GOLIM4: variants seen among roughly 807,000 people sequenced by gnomAD.
GOLIM4 encodes golgi integral membrane protein 4.
In GOLIM4, 71 loss-of-function variants were observed where a neutral mutation model predicts 107.4. The observed-to-expected ratio is 0.66, with a 90% CI of 0.55 to 0.81. The LOEUF (loss-of-function observed/expected upper bound fraction) is 0.81, where lower values mean the gene tolerates loss of function less well. Ranked by LOEUF, GOLIM4 falls within the 30% of genes least tolerant of loss-of-function variation. The probability of loss-of-function intolerance (pLI) is 0.00; values close to 1 mark genes in which losing one functional copy is unlikely to be tolerated. For missense variants in GOLIM4, 830 were observed against 826.1 expected, an observed-to-expected ratio of 1.00 and a Z score of -0.06; for synonymous variants, 327 against 294.8, an observed-to-expected ratio of 1.11 and a Z score of -1.12.
chr3:168,085,049 T>C (rs1286876396), intron 1 of GOLIM4, among the ~76,000 whole-genome samples: 2 of 152,158 alleles, frequency 1.3e-5, no homozygotes, highest in African/African-American at 2.4e-5. Flanking sequence ...TTCTTCTTAC[T>C]GTCTTATGGT....
chr3:168,041,315 G>A (rs1718985861), intron 6 of GOLIM4, 77 bp downstream of exon 6: 2 of 824,898 alleles, frequency 2.4e-6, no homozygotes, highest in Admixed American at 3.9e-5. Flanking sequence ...AGGCCAATTA[G>A]GGAATGACTT....
rs531630477 is a variant in GOLIM4, at chr3:168,093,979, C to T, written c.187+1120G>A. On this transcript the variant is annotated intron_variant, in intron 1 of 15. Transcript: ENST00000470487. ...CATCCCTCTAGCTTGCATCTATCTA[C>T]CTAGCAATATTAAACAAGCTATATT... Among the ~76,000 whole-genome samples the T allele has an allele frequency of 3.3e-4, 51 of 152,288 alleles. No individual in the cohort carries two copies. The East Asian group carries it at 9.1e-3, about 27-fold the overall frequency.
At chr3:168,013,138 G>T (rs998817820) in intron 14 of GOLIM4, among the ~76,000 whole-genome samples, 2 of 151,408 alleles carry the variant, frequency 1.3e-5, no homozygotes, top group Non-Finnish European at 2.9e-5. Flanking sequence ...CTGTATTCAG[G>T]AAACCCATCT....
intron 1 of GOLIM4, among the ~76,000 whole-genome samples, chr3:168,077,296 G>A (rs1721123961): frequency 2.6e-5 from 4 of 152,110 alleles, no homozygotes; most frequent in Non-Finnish European, 5.9e-5. Flanking sequence ...TCCCATTAAC[G>A]TTTGGCCAAT....
At chr3:168,018,556 A>G (rs1029321227) in intron 14 of GOLIM4, among the ~76,000 whole-genome samples, 3 of 152,186 alleles carry the variant, frequency 2.0e-5, no homozygotes, top group Non-Finnish European at 2.9e-5. Context: ...GGAATGAGCT[A>G]AAGACCTATC....
At chr3:168,042,324 G>A (rs1268214163) in intron 5 of GOLIM4, among the ~76,000 whole-genome samples, 1 of 152,044 alleles carries the variant, frequency 6.6e-6, no homozygotes, top group African/African-American at 2.4e-5. Context: ...CCCCAGCAAT[G>A]CATTTAATTT....
At position 168,044,843 on chromosome 3, in the gene GOLIM4, T is replaced by G; in HGVS notation, c.351A>C (p.Gln117His). ...SNSRYSALNVQHQMLKSQHEE... is the reference protein window; with the variant it reads ...SNSRYSALNVHHQMLKSQHEE... The stretch of plus-strand genomic sequence containing the variant: ...GATTACTCACTTTCAACATCTGATG[T>G]TGGACATTCAGTGCACTGTATCTGC... Residue 117 changes from glutamine (Q) to histidine (H), a missense_variant, in exon 4 of 16, where the codon CAA becomes CAC. By Grantham distance (24) the Gln-to-His change is conservative (BLOSUM62 0). Coordinates refer to ENST00000470487, the MANE Select transcript of GOLIM4 (RefSeq NM_014498.5). 6.4e-7 allele frequency: 1 copy of G among 1,561,620 alleles called. No individual in the cohort carries two copies. The highest frequency in any genetic ancestry group is 8.7e-7 in the Non-Finnish European group (1 of 1,149,056).
intron 1 of GOLIM4, among the ~76,000 whole-genome samples, chr3:168,058,679 G>A (rs1720105078): frequency 6.6e-6 from 1 of 152,262 alleles, no homozygotes; most frequent in Admixed American, 6.5e-5. Context: ...ATAATGAACT[G>A]CTGAGTCAGC....
At chr3:168,024,159 T>C (rs1225424585) in intron 14 of GOLIM4, among the ~76,000 whole-genome samples, 2 of 152,280 alleles carry the variant, frequency 1.3e-5, no homozygotes, top group African/African-American at 4.8e-5. Flanking sequence ...GGGAGATGCC[T>C]GAAGAGAAAG....
chr3:168,039,147 T>C (rs1718827244), intron 7 of GOLIM4, among the ~76,000 whole-genome samples: 1 of 152,030 alleles, frequency 6.6e-6, no homozygotes, highest in Non-Finnish European at 1.5e-5. Context: ...TGGCTCTAAT[T>C]AAGGATTGCA....
chr3:168,077,575 CA>C (rs973526860), intron 1 of GOLIM4, among the ~76,000 whole-genome samples: 6 of 152,282 alleles, frequency 3.9e-5, no homozygotes, highest in African/African-American at 1.4e-4. Flanking sequence ...TTCATTATTC[CA>C]AGTTTGTTGT....
At chr3:168,075,434 C>A (rs1287449155) in intron 1 of GOLIM4, among the ~76,000 whole-genome samples, 1 of 148,992 alleles carries the variant, frequency 6.7e-6, no homozygotes, top group Non-Finnish European at 1.5e-5. Flanking sequence ...GTAGCTGGGA[C>A]TACAGGCACC....
At chr3:168,082,167 C>G (rs1204352460) in intron 1 of GOLIM4, among the ~76,000 whole-genome samples, 3 of 152,146 alleles carry the variant, frequency 2.0e-5, no homozygotes, top group Non-Finnish European at 2.9e-5. Context: ...GACACATATA[C>G]AAAATTGACA....
intron 1 of GOLIM4, among the ~76,000 whole-genome samples, chr3:168,071,249 T>A (rs1318561323): frequency 6.6e-6 from 1 of 152,194 alleles, no homozygotes; most frequent in Non-Finnish European, 1.5e-5. Context: ...TCAAGTTCCT[T>A]CTATCTTTTA....
rs879791386 is a variant in GOLIM4 at position 168,084,957 on chromosome 3, T to TA, written c.187+10141dup. Among the ~76,000 whole-genome samples the TA allele has an allele frequency of 2.4e-3, 356 of 145,724 alleles. 2 individuals carry two copies. The highest frequency in any genetic ancestry group is 0.011 in the Middle Eastern group (3 of 282). ...CAGTCACTTATAGTTACATGGAAAT[T>TA]AAAAAAAAAAAAATGTGCCAGATGA... is the stretch of plus-strand genomic sequence containing the variant. On this transcript the variant is annotated intron_variant, in intron 1 of 15. Transcript: ENST00000470487.
Position 168,071,653 on chromosome 3 carries a change from T to C in GOLIM4, c.188-23288A>G, listed in dbSNP as rs889626007. 3.3e-5 allele frequency among the ~76,000 whole-genome samples: 5 copies of C among 151,028 alleles called. No homozygotes were observed. In the Admixed American group the frequency reaches 3.3e-4, roughly 10 times the overall value. On this transcript the variant is annotated intron_variant, in intron 1 of 15. Coordinates refer to ENST00000470487, the MANE Select transcript of GOLIM4 (RefSeq NM_014498.5). Reference sequence around the variant, plus strand: ...TCTAGTAGGCCAGGGAGATGACCCATTTTTGCTTGATGACTAAAAGAGAAT... The same window carrying C: ...TCTAGTAGGCCAGGGAGATGACCCACTTTTGCTTGATGACTAAAAGAGAAT...
Position 168,010,281 on chromosome 3 carries a change from T to C in GOLIM4, c.2079A>G (p.Arg693=). ...GAAVAEKSHR[R]AEM is the part of the protein sequence containing the mutation. ...AAATTGGGTGCCGCTACATTTCAGC[T>C]CTTCGATGTGATTTCTCAGCAACTG... is the stretch of plus-strand genomic sequence containing the variant. The change falls in exon 16 of 16, where the codon AGA becomes AGG. Residue 693 remains arginine, a synonymous_variant. Transcript: ENST00000470487. 6.2e-7 allele frequency: 1 copy of C among 1,612,278 alleles called. No homozygotes were observed. The highest frequency in any genetic ancestry group is 8.5e-7 in the Non-Finnish European group (1 of 1,179,368).
intron 14 of GOLIM4, among the ~76,000 whole-genome samples, chr3:168,011,419 A>G (rs2108203422): frequency 6.6e-6 from 1 of 152,278 alleles, no homozygotes; most frequent in Admixed American, 6.5e-5. Context: ...GCTGATTGCC[A>G]GCACAGCAGT....
At chr3:168,081,826 T>C (rs559523921) in intron 1 of GOLIM4, among the ~76,000 whole-genome samples, 1 of 152,304 alleles carries the variant, frequency 6.6e-6, no homozygotes, top group Admixed American at 6.5e-5. Flanking sequence ...ACTAAGAAAT[T>C]ACTAATGGAT....
Sources: allele counts gnomAD v4.1 joint callset (sites outside exome capture counted in the v4.1 genomes callset), GRCh38; gene constraint gnomAD v4.1.1; transcripts MANE v1.5; gene names NCBI Gene and HGNC (gene_info 2026-07-23, HGNC 2026-07-21).